Variants in GRIK4 observed in about 807,000 individuals in gnomAD.
GRIK4 encodes glutamate ionotropic receptor kainate type subunit 4.
A neutral mutation model predicts 104.9 loss-of-function variants in GRIK4; 40 were observed. That is an observed-to-expected ratio of 0.38 (90% CI 0.30 to 0.50). The LOEUF (loss-of-function observed/expected upper bound fraction) is 0.50. Ranked by LOEUF, GRIK4 falls within the 20% of genes least tolerant of loss-of-function variation. The pLI is 0.93. For missense variants in GRIK4, 1,047 were observed against 1,308.1 expected (o/e 0.80, Z 3.08); for synonymous variants, 485 against 524.9 (o/e 0.92, Z 1.04).
intron 3 of GRIK4, among the ~76,000 whole-genome samples, chr11:120,743,924 G>A (rs1027371099): frequency 7.2e-5 from 11 of 152,162 alleles, no homozygotes; most frequent in Non-Finnish European, 1.5e-4. Context: ...TTTAATATGT[G>A]AACTTCAATC....
At chr11:120,921,321 C>G (rs1045169573) in intron 13 of GRIK4, among the ~76,000 whole-genome samples, 7 of 152,206 alleles carry the variant, frequency 4.6e-5, no homozygotes, top group African/African-American at 1.7e-4. Context: ...AGAACAGGCT[C>G]TGGCATATAG....
chr11:120,883,626 C>G (rs1294175827), intron 11 of GRIK4, among the ~76,000 whole-genome samples: 1 of 152,216 alleles, frequency 6.6e-6, no homozygotes, highest in Non-Finnish European at 1.5e-5. Flanking sequence ...TCCCAAAGCA[C>G]AGGGACTTCC....
intron 20 of GRIK4, 55 bp from the exon 21 acceptor site, chr11:120,985,849 G>GGGGCCCAC: frequency 6.6e-7 from 1 of 1,518,954 alleles, no homozygotes; most frequent in Non-Finnish European, 8.9e-7. Flanking sequence ...GGACTCGCAG[G>GGGGCCCAC]GGGCCCACGG....
In GRIK4 at chr11:120,872,568, T is replaced by G. The variant is rs867417049; in HGVS notation, c.907-1498T>G. 3.4e-4 allele frequency: 52 copies of G among 153,342 alleles called. 1 individual carries two copies. Among genetic ancestry groups the G allele is most frequent in the Non-Finnish European group, 1.7e-4 (12 of 68,808 alleles). The allele number at this position is 153,342 out of a possible 1,614,324, so 9.5% of individuals were successfully genotyped here. ...GAAAGAGGAGGCTCGGAAGGGGCAA[T>G]GTTGAGTCGCCAGTGATGGAATGTC... On this transcript the variant is annotated intron_variant, in intron 9 of 20. Coordinates refer to ENST00000527524, the MANE Select transcript of GRIK4 (RefSeq NM_014619.5).
intron 1 of GRIK4, among the ~76,000 whole-genome samples, chr11:120,529,681 C>T (rs1356604726): frequency 6.6e-6 from 1 of 152,224 alleles, no homozygotes; most frequent in East Asian, 1.9e-4. Context: ...CCCTTGACTC[C>T]TGATAGGGAG....
chr11:120,814,909 C>G (rs922198359), intron 4 of GRIK4, among the ~76,000 whole-genome samples: 1 of 152,238 alleles, frequency 6.6e-6, no homozygotes, highest in Admixed American at 6.5e-5. Flanking sequence ...TTCCTGTCTG[C>G]GTCATCCTCG....
intron 13 of GRIK4, among the ~76,000 whole-genome samples, chr11:120,913,869 A>T (rs1180121130): frequency 3.3e-5 from 5 of 151,866 alleles, no homozygotes; most frequent in African/African-American, 9.7e-5. Flanking sequence ...AAAAAAAAAA[A>T]AAAAATACAA....
chr11:120,623,418 C>T (rs1044399188), intron 1 of GRIK4, among the ~76,000 whole-genome samples: 1 of 152,146 alleles, frequency 6.6e-6, no homozygotes, highest in African/African-American at 2.4e-5. Context: ...CAGGTGTGAA[C>T]CACCGCACCC....
chr11:120,646,107 A>G (rs536485739), intron 1 of GRIK4, among the ~76,000 whole-genome samples: 1 of 152,372 alleles, frequency 6.6e-6, no homozygotes, highest in South Asian at 2.1e-4. Context: ...AGTACTCAAA[A>G]TCATCCACAC....
intron 3 of GRIK4, among the ~76,000 whole-genome samples, chr11:120,661,995 CA>C (rs1195289619): frequency 6.6e-6 from 1 of 152,208 alleles, no homozygotes; most frequent in Non-Finnish European, 1.5e-5. Flanking sequence ...GCGTTTGCTG[CA>C]AGGTCTTCTC....
intron 3 of GRIK4, among the ~76,000 whole-genome samples, chr11:120,701,147 T>G (rs770729616): frequency 9.2e-5 from 14 of 152,358 alleles, no homozygotes; most frequent in Admixed American, 8.5e-4. Flanking sequence ...CGTATCCCAT[T>G]GTTAAGCAAT....
At chr11:120,604,135 G>GCA (rs1948924299) in intron 1 of GRIK4, among the ~76,000 whole-genome samples, 2 of 135,070 alleles carry the variant, frequency 1.5e-5, no homozygotes, top group Admixed American at 8.5e-5. Flanking sequence ...TCGCGCCACT[G>GCA]CACTCCAGCC....
At chr11:120,695,768 A>G (rs1475798365) in intron 3 of GRIK4, among the ~76,000 whole-genome samples, 1 of 152,082 alleles carries the variant, frequency 6.6e-6, no homozygotes, top group African/African-American at 2.4e-5. Flanking sequence ...CTGGATATTG[A>G]TTGGCCCTGC....
chr11:120,855,651 G>A (rs1241800574), intron 8 of GRIK4, among the ~76,000 whole-genome samples: 1 of 151,566 alleles, frequency 6.6e-6, no homozygotes, highest in Non-Finnish European at 1.5e-5. Context: ...TCTGCCTCCT[G>A]GGTTCAAGCG....
intron 1 of GRIK4, among the ~76,000 whole-genome samples, chr11:120,553,825 G>A (rs1165726898): frequency 6.6e-6 from 1 of 152,194 alleles, no homozygotes; most frequent in African/African-American, 2.4e-5. Context: ...GCCCTGAGAT[G>A]TCTCTCTCCG....
rs369264259 is a variant in GRIK4, at chr11:120,889,589, A to ATTTTTTTT, written c.1165-8920_1165-8913dup. ...ATAGAATAAAATAGAAAGAGCTTAC[A>ATTTTTTTT]TTTTTTTTTTTTTTTTTTTTTTTTT... is the stretch of plus-strand genomic sequence containing the variant. On this transcript the variant is annotated intron_variant, in intron 11 of 20. Coordinates refer to ENST00000527524, the MANE Select transcript of GRIK4 (RefSeq NM_014619.5). Among the ~76,000 whole-genome samples the ATTTTTTTT allele has an allele frequency of 6.2e-4, 39 of 62,488 alleles. 2 individuals are homozygous for ATTTTTTTT. The highest frequency in any genetic ancestry group is 2.2e-3 in the African/African-American group (37 of 16,944). The allele number at this position is 62,488 out of a possible 152,430, so 41.0% of individuals were successfully genotyped here.
Position 120,799,701 on chromosome 11 carries a change from A to T in GRIK4, c.83-2992A>T, listed in dbSNP as rs1311121878. Reference sequence around the variant, plus strand: ...GAGATTAAGTGAGATAGAGTCCACTAAGTGGTTATGCTGACATTGTAGCTT... The same window carrying T: ...GAGATTAAGTGAGATAGAGTCCACTTAGTGGTTATGCTGACATTGTAGCTT... On this transcript the variant is annotated intron_variant, in intron 3 of 20. Transcript: ENST00000527524. Among the ~76,000 whole-genome samples the T allele has an allele frequency of 2.0e-5, 3 of 152,322 alleles. No individual in the cohort carries two copies. The East Asian group carries it at 5.8e-4, about 29-fold the overall frequency.
chr11:120,820,478 G>A (rs773638454), intron 6 of GRIK4, among the ~76,000 whole-genome samples: 1 of 152,186 alleles, frequency 6.6e-6, no homozygotes, highest in Non-Finnish European at 1.5e-5. Flanking sequence ...TGTTTTCTAT[G>A]ACTCTCAGTC....
intron 19 of GRIK4, among the ~76,000 whole-genome samples, chr11:120,971,106 G>A (rs1483594405): frequency 6.6e-6 from 1 of 152,212 alleles, no homozygotes; most frequent in Non-Finnish European, 1.5e-5. Context: ...ATCTAGGCCT[G>A]AACGAGCAAT....
Sources: allele counts gnomAD v4.1 joint callset (sites outside exome capture counted in the v4.1 genomes callset), GRCh38; gene constraint gnomAD v4.1.1; transcripts MANE v1.5; gene names NCBI Gene and HGNC (gene_info 2026-07-23, HGNC 2026-07-21).